The following TUBB8 variants were observed in gnomAD, a reference collection of about 807,000 sequenced individuals.
The protein encoded by TUBB8 is tubulin beta 8 class VIII, also known as tubulin beta-8 chain.
In TUBB8, 25 loss-of-function variants were observed where a neutral mutation model predicts 33.7. The ratio of observed to expected loss-of-function variants is 0.74; its 90% CI spans 0.54 to 1.04. The LOEUF is 1.04. TUBB8 is among the 50% of genes least tolerant of loss of function. The pLI is 0.00. For synonymous variants in TUBB8, 245 were observed against 240.1 expected, an observed-to-expected ratio of 1.02 and a Z score of -0.19; for missense variants, 279 against 608.0, an observed-to-expected ratio of 0.46 and a Z score of 5.69.
intron 1 of TUBB8, among the ~76,000 whole-genome samples, chr10:68,887 C>T (rs1554741968): frequency 2.0e-5 from 3 of 152,190 alleles, no homozygotes; most frequent in African/African-American, 7.2e-5. Flanking sequence ...TTTCCTTTTT[C>T]TGGAATGTTC....
chr10:74,208 G>T (rs1554742808), upstream of TUBB8: 1 of 151,244 alleles, frequency 6.6e-6, no homozygotes, highest in Admixed American at 6.6e-5. Flanking sequence ...TGGCAGGGCC[G>T]GGCGCCCCCT....
chr10:46,836 G>T, downstream of TUBB8: 5 of 446,118 alleles, frequency 1.1e-5, no homozygotes, highest in Non-Finnish European at 1.2e-5. Context: ...ACAACTATGC[G>T]CATCTGGCAG....
chr10:68,689 T>A (rs1834701878), intron 1 of TUBB8, among the ~76,000 whole-genome samples: 1 of 152,228 alleles, frequency 6.6e-6, no homozygotes, highest in Non-Finnish European at 1.5e-5. Flanking sequence ...TCCTCAGCAG[T>A]TACAGCAACT....
chr10:67,451 G>T (rs1834685306), intron 1 of TUBB8, among the ~76,000 whole-genome samples: 1 of 152,096 alleles, frequency 6.6e-6, no homozygotes, highest in African/African-American at 2.4e-5. Flanking sequence ...CAGAGATGGG[G>T]TCTCACTCTG....
chr10:64,393 C>T (rs1554741310), intron 1 of TUBB8, among the ~76,000 whole-genome samples: 1 of 151,916 alleles, frequency 6.6e-6, no homozygotes, highest in Non-Finnish European at 1.5e-5. Flanking sequence ...AACCATGACC[C>T]CTAACCACTG....
chr10:55,516 C>T (rs1834519344), intron 1 of TUBB8, among the ~76,000 whole-genome samples: 1 of 152,136 alleles, frequency 6.6e-6, no homozygotes. Context: ...TCCATGTTTG[C>T]TTTGGTTGTC....
upstream of TUBB8, among the ~76,000 whole-genome samples, chr10:52,599 G>A (rs1442535127): frequency 6.6e-6 from 1 of 152,156 alleles, no homozygotes; most frequent in Non-Finnish European, 1.5e-5. Context: ...TTAAAGTCGG[G>A]GCTATTCGTT....
At chr10:54,671 A>T (rs180729046) in intron 1 of TUBB8, among the ~76,000 whole-genome samples, 206 of 151,982 alleles carry the variant, frequency 1.4e-3, no homozygotes, top group African/African-American at 4.6e-3. Context: ...CTTTTATTAT[A>T]TTTTTTTCTA....
intron 1 of TUBB8, among the ~76,000 whole-genome samples, chr10:66,340 G>C (rs1435701341): frequency 6.6e-6 from 1 of 152,190 alleles, no homozygotes; most frequent in African/African-American, 2.4e-5. Context: ...CAAACAACAT[G>C]AGAATGTAAT....
upstream of TUBB8, among the ~76,000 whole-genome samples, chr10:52,046 G>A (rs533402012): frequency 3.9e-5 from 6 of 152,364 alleles, no homozygotes; most frequent in South Asian, 1.2e-3. Context: ...AAAAGAGAAA[G>A]TGGCAAACAT....
rs377045766 is a variant in TUBB8 at position 71,026 on chromosome 10, CA to C, written c.-846+2942del. ...AGAGATCCCCATCAAAAAAGGACCC[CA>C]GGGGCAGGGCGTGGTGGCTCATGCC... On this transcript the variant is annotated intron_variant, in intron 1 of 3. Transcript: ENST00000564130. Among the ~76,000 whole-genome samples the C allele has an allele frequency of 6.0e-3, 917 of 151,778 alleles. 6 individuals carry two copies. The highest frequency in any genetic ancestry group is 0.021 in the African/African-American group (877 of 41,424).
At chr10:55,175 C>T (rs868968893) in intron 1 of TUBB8, among the ~76,000 whole-genome samples, 2 of 152,332 alleles carry the variant, frequency 1.3e-5, no homozygotes, top group Middle Eastern at 3.4e-3. Context: ...TCCATGACAG[C>T]AGGCGAGAGA....
intron 1 of TUBB8, among the ~76,000 whole-genome samples, chr10:65,786 G>T (rs2130947837): frequency 6.6e-6 from 1 of 152,156 alleles, no homozygotes; most frequent in Admixed American, 6.5e-5. Context: ...TTTCATACTA[G>T]CACGTATTTT....
upstream of TUBB8, among the ~76,000 whole-genome samples, chr10:76,429 C>A (rs1351630688): frequency 6.6e-5 from 10 of 152,210 alleles, no homozygotes; most frequent in African/African-American, 2.4e-4. Context: ...GCGCTCGCTC[C>A]GCTGCACTCA....
chr10:74,397 CGG>C (rs371472773), upstream of TUBB8, among the ~76,000 whole-genome samples: 1 of 149,338 alleles, frequency 6.7e-6, no homozygotes, highest in Non-Finnish European at 1.5e-5. Context: ...GAGGCCGAGT[CGG>C]GCGGATCACT....
At position 47,708 on chromosome 10, in the gene TUBB8, C is replaced by G; in HGVS notation, c.684G>C (p.Leu228=). 6.2e-7 allele frequency: 1 copy of G among 1,612,660 alleles called. No individual in the cohort carries two copies. Among genetic ancestry groups the G allele is most frequent in the Non-Finnish European group, 8.5e-7 (1 of 1,180,020 alleles). Reference sequence around the variant, plus strand: ...TGACCCCACTCATGGTAGCAGACACCAGGTGGTTCAGGTCACCATAGGTGG... The same window carrying G: ...TGACCCCACTCATGGTAGCAGACACGAGGTGGTTCAGGTCACCATAGGTGG... ...PTPTYGDLNH[L]VSATMSGVTT... is the part of the protein sequence containing the mutation. The change falls in exon 4 of 4, where the codon CTG becomes CTC. Residue 228 remains leucine (L), a synonymous_variant. Transcript: ENST00000568584.
At chr10:65,554 G>A (rs1262090457) in intron 1 of TUBB8, among the ~76,000 whole-genome samples, 1 of 151,666 alleles carries the variant, frequency 6.6e-6, no homozygotes, top group Non-Finnish European at 1.5e-5. Flanking sequence ...GTGAAACCCT[G>A]TCTCTACTAA....
At chr10:67,873 G>A (rs1834691060) in intron 1 of TUBB8, among the ~76,000 whole-genome samples, 1 of 152,318 alleles carries the variant, frequency 6.6e-6, no homozygotes, top group East Asian at 1.9e-4. Flanking sequence ...GGGCTCAAAA[G>A]ATCCTCCCAC....
At chr10:75,794 C>T (rs1390836448), upstream of TUBB8, among the ~76,000 whole-genome samples, 1 of 152,066 alleles carries the variant, frequency 6.6e-6, no homozygotes, top group East Asian at 1.9e-4. Context: ...TAATGTGCTA[C>T]TTTTCCATTT....
Sources: allele counts gnomAD v4.1 joint callset (sites outside exome capture counted in the v4.1 genomes callset), GRCh38; gene constraint gnomAD v4.1.1; transcripts MANE v1.5; gene names NCBI Gene and HGNC (gene_info 2026-07-23, HGNC 2026-07-21).